The following ARL15 variants were observed in gnomAD, a reference collection of about 807,000 sequenced individuals.
The protein encoded by ARL15 is ADP-ribosylation factor-like protein 15.
In ARL15, 19 loss-of-function variants were observed where a neutral mutation model predicts 25.2. The observed-to-expected ratio is 0.75, with a 90% CI of 0.53 to 1.10. The LOEUF is 1.10. Ranked by LOEUF, ARL15 falls within the 50% of genes least tolerant of loss-of-function variation. The pLI, the probability that ARL15 is intolerant of heterozygous loss-of-function variation, is 0.00. For missense variants in ARL15, 220 were observed against 246.0 expected, an observed-to-expected ratio of 0.89 and a Z score of 0.71; for synonymous variants, 94 against 86.8, an observed-to-expected ratio of 1.08 and a Z score of -0.46.
At chr5:54,071,711 C>T (rs1237756053) in intron 4 of ARL15, among the ~76,000 whole-genome samples, 1 of 151,996 alleles carries the variant, frequency 6.6e-6, no homozygotes, top group Non-Finnish European at 1.5e-5. Flanking sequence ...GTGGCTCACG[C>T]CTGTAATCCC....
intron 4 of ARL15, among the ~76,000 whole-genome samples, chr5:54,011,344 C>T (rs1580168220): frequency 6.6e-6 from 1 of 152,180 alleles, no homozygotes; most frequent in South Asian, 2.1e-4. Flanking sequence ...CTTCAACTTT[C>T]TATATGACCC....
At chr5:53,946,064 A>G (rs1177993859) in intron 4 of ARL15, among the ~76,000 whole-genome samples, 4 of 152,318 alleles carry the variant, frequency 2.6e-5, no homozygotes, top group African/African-American at 9.6e-5. Flanking sequence ...TTCCTCATGT[A>G]TGAATGAGGG....
At chr5:54,113,112 T>C (rs1752788905) in intron 4 of ARL15, 90 bp downstream of exon 4, 1 of 1,278,586 alleles carries the variant, frequency 7.8e-7, no homozygotes, top group African/African-American at 1.5e-5. Flanking sequence ...AACCAGCACA[T>C]TCCTAATTAC....
In ARL15 at chr5:54,275,691, A is replaced by AT. The variant is rs111402842; in HGVS notation, c.48+34740dup. The stretch of plus-strand genomic sequence containing the variant: ...ATTTTATATTATTATTATTTTATTT[A>AT]TTTTTTTTTTTGAGACACAGTCTCA... On this transcript the variant is annotated intron_variant, in intron 1 of 4. Coordinates refer to ENST00000504924, the MANE Select transcript of ARL15 (RefSeq NM_019087.3). Among the ~76,000 whole-genome samples, 1,008 of 144,752 alleles carry AT rather than the reference A, an allele frequency of 7.0e-3. 9 individuals carry two copies. The highest frequency in any genetic ancestry group is 0.022 in the South Asian group (103 of 4,658). The allele number at this position is 144,752 out of a possible 152,430, so 95.0% of individuals were successfully genotyped here. A position where few individuals can be genotyped will look rare whatever the true frequency, so the allele number is the denominator to read the frequency against.
intron 3 of ARL15, among the ~76,000 whole-genome samples, chr5:54,114,575 C>T (rs1752846297): frequency 6.6e-6 from 1 of 151,860 alleles, no homozygotes. Flanking sequence ...ACTAATTAAG[C>T]TTTACAAATT....
chr5:54,122,612 T>C lies in ARL15; in HGVS notation c.254-9202A>G, dbSNP rs184511094. ...CTATTTTTTTCAGCGGCTTGCATGG[T>C]TGCACAAATAAGAGCTCAGGCAGCA... On this transcript the variant is annotated intron_variant, in intron 3 of 4. Coordinates refer to ENST00000504924, the MANE Select transcript of ARL15 (RefSeq NM_019087.3). Among the ~76,000 whole-genome samples, 4 of 152,296 alleles carry C rather than the reference T, an allele frequency of 2.6e-5. No individual in the cohort carries two copies. The East Asian group carries it at 7.7e-4, about 29-fold the overall frequency.
At position 54,015,059 on chromosome 5, in the gene ARL15, A is replaced by G. The variant is rs182420386; in HGVS notation, c.462+98143T>C. Among the ~76,000 whole-genome samples, 818 of 151,962 alleles carry G rather than the reference A, an allele frequency of 5.4e-3. 4 individuals carry two copies. The highest frequency in any genetic ancestry group is 0.011 in the Admixed American group (167 of 15,258). ...TATAATCCCAGCACTTTGGGAGGTC[A>G]AGGCAGGTAGATCACCTGAAGTCAG... On this transcript the variant is annotated intron_variant, in intron 4 of 4. Coordinates refer to ENST00000504924, the MANE Select transcript of ARL15 (RefSeq NM_019087.3).
chr5:54,108,801 T>A (rs953146856), intron 4 of ARL15, among the ~76,000 whole-genome samples: 1 of 151,998 alleles, frequency 6.6e-6, no homozygotes, highest in African/African-American at 2.4e-5. Flanking sequence ...TAATCACCTA[T>A]AAATAAGTAG....
chr5:54,056,656 A>G (rs978522500), intron 4 of ARL15, among the ~76,000 whole-genome samples: 2 of 151,216 alleles, frequency 1.3e-5, no homozygotes, highest in Admixed American at 1.3e-4. Context: ...TCTGATTCAA[A>G]TTCTTCATTT....
intron 4 of ARL15, among the ~76,000 whole-genome samples, chr5:53,990,428 T>G (rs151224344): frequency 6.6e-6 from 1 of 152,320 alleles, no homozygotes; most frequent in African/African-American, 2.4e-5. Context: ...AAATCTTAAA[T>G]AAGTTTTTAA....
At chr5:53,959,821 G>T (rs1451776691) in intron 4 of ARL15, among the ~76,000 whole-genome samples, 1 of 151,882 alleles carries the variant, frequency 6.6e-6, no homozygotes, top group Non-Finnish European at 1.5e-5. Flanking sequence ...CTTTCTTCTT[G>T]CATTGTAACT....
At chr5:54,035,639 A>G (rs1428865538) in intron 4 of ARL15, among the ~76,000 whole-genome samples, 1 of 152,188 alleles carries the variant, frequency 6.6e-6, no homozygotes, top group East Asian at 1.9e-4. Flanking sequence ...TAAATTAGCA[A>G]ATCTTTAAGA....
chr5:54,035,631 A>C (rs1750143805), intron 4 of ARL15, among the ~76,000 whole-genome samples: 1 of 152,206 alleles, frequency 6.6e-6, no homozygotes, highest in Non-Finnish European at 1.5e-5. Context: ...ATCATTACTA[A>C]ATTAGCAAAT....
intron 4 of ARL15, among the ~76,000 whole-genome samples, chr5:53,990,818 T>C (rs1396731000): frequency 2.0e-5 from 3 of 152,202 alleles, no homozygotes; most frequent in African/African-American, 2.4e-5. Context: ...ATTTTATGAA[T>C]TGAAAAAGCA....
chr5:54,250,031 C>G (rs889907846), intron 1 of ARL15, among the ~76,000 whole-genome samples: 24 of 152,156 alleles, frequency 1.6e-4, no homozygotes, highest in Non-Finnish European at 3.2e-4. Context: ...AATTGGCTCA[C>G]AGTTCTGCAG....
intron 3 of ARL15, among the ~76,000 whole-genome samples, chr5:54,116,489 T>A (rs138672754): frequency 2.0e-5 from 3 of 152,302 alleles, no homozygotes; most frequent in African/African-American, 7.2e-5. Flanking sequence ...CACTAGCTTG[T>A]TATAAATTTC....
intron 4 of ARL15, among the ~76,000 whole-genome samples, chr5:54,057,729 C>A (rs1197186474): frequency 2.0e-5 from 3 of 151,982 alleles, no homozygotes; most frequent in African/African-American, 7.2e-5. Flanking sequence ...CCTGGAGCTA[C>A]CTCCAGCTAC....
At chr5:54,139,888 A>G (rs1753720010) in intron 3 of ARL15, among the ~76,000 whole-genome samples, 1 of 152,198 alleles carries the variant, frequency 6.6e-6, no homozygotes, top group Non-Finnish European at 1.5e-5. Flanking sequence ...TCAGAGATAC[A>G]CCTAAAGACT....
intron 4 of ARL15, among the ~76,000 whole-genome samples, chr5:53,903,295 A>G (rs761494460): frequency 6.6e-6 from 1 of 152,168 alleles, no homozygotes; most frequent in Non-Finnish European, 1.5e-5. Context: ...TGACTAGTTG[A>G]AAATACTAGT....
Sources: gnomAD v4.1 joint callset for allele counts (sites outside exome capture counted in the v4.1 genomes callset) on GRCh38, gnomAD v4.1.1 for gene constraint, MANE v1.5 for transcripts, NCBI Gene and HGNC (gene_info 2026-07-23, HGNC 2026-07-21) for gene names.